The following HBS1L variants were observed in gnomAD, a reference collection of about 807,000 sequenced individuals.
The protein encoded by HBS1L is HBS1-like protein.
A neutral mutation model predicts 88.9 loss-of-function variants in HBS1L; 55 were observed. The ratio of observed to expected loss-of-function variants is 0.62; its 90% CI spans 0.50 to 0.77. HBS1L has a LOEUF of 0.77. Among genes scored for constraint, HBS1L ranks in the 30% least tolerant of loss-of-function variants. HBS1L has a pLI of 0.00. For synonymous variants in HBS1L, 267 were observed against 288.5 expected (o/e 0.93, Z 0.76); for missense variants, 741 against 829.3 (o/e 0.89, Z 1.31).
At chr6:134,965,864 G>A (rs1296582661) in intron 17 of HBS1L, among the ~76,000 whole-genome samples, 1 of 152,132 alleles carries the variant, frequency 6.6e-6, no homozygotes, top group Non-Finnish European at 1.5e-5. Flanking sequence ...TTCATGATAT[G>A]TGTAACTCAC....
chr6:135,018,221 G>T (rs1775977096), intron 4 of HBS1L, among the ~76,000 whole-genome samples: 1 of 151,998 alleles, frequency 6.6e-6, no homozygotes, highest in South Asian at 2.1e-4. Flanking sequence ...CTAGTTACCA[G>T]ATGTACATTC....
intron 15 of HBS1L, among the ~76,000 whole-genome samples, chr6:134,975,182 C>A (rs1232914038): frequency 6.6e-6 from 1 of 151,976 alleles, no homozygotes; most frequent in African/African-American, 2.4e-5. Context: ...AACCAACCAA[C>A]CCACCTAGGA....
intron 4 of HBS1L, among the ~76,000 whole-genome samples, chr6:135,017,768 C>T (rs910046714): frequency 1.3e-5 from 2 of 151,758 alleles, no homozygotes; most frequent in Non-Finnish European, 2.9e-5. Flanking sequence ...TCATGAGTGA[C>T]CTTTTTCCCT....
At chr6:135,034,550 A>AGGAGAATC (rs1474750481) in intron 4 of HBS1L, among the ~76,000 whole-genome samples, 2 of 152,248 alleles carry the variant, frequency 1.3e-5, no homozygotes, top group Non-Finnish European at 2.9e-5. Context: ...GGGCTGACAC[A>AGGAGAATC]GGAGAATCGC....
intron 4 of HBS1L, among the ~76,000 whole-genome samples, chr6:135,009,465 AG>A (rs1775706551): frequency 6.6e-6 from 1 of 152,182 alleles, no homozygotes; most frequent in Admixed American, 6.5e-5. Context: ...AGGCATAAGC[AG>A]GGGTCAGTGG....
At position 134,961,040 on chromosome 6, in the gene HBS1L, A is replaced by T. The variant is rs185326013; in HGVS notation, c.*4239T>A. The stretch of plus-strand genomic sequence containing the variant: ...ATAATCACAACCTTTGTCTTCATTT[A>T]ATTTTCTTGTTTCCTTTCCATCTTT... On this transcript the variant is annotated 3_prime_UTR_variant, in exon 18 of 18. Transcript: ENST00000367837. The T allele has an allele frequency of 6.9e-6, 1 of 144,028 alleles. No individual in the cohort carries two copies. The highest frequency in any genetic ancestry group is 2.6e-5 in the African/African-American group (1 of 39,004). 8.9% of individuals were successfully genotyped at this position (144,028 alleles called of 1,614,324 possible). A position where few individuals can be genotyped will look rare whatever the true frequency, so the allele number is the denominator to read the frequency against.
rs1275689242 is a variant in HBS1L, at chr6:134,961,086, TTTG to T, written c.*4190_*4192del. Reference sequence around the variant, plus strand: ...TCTTTTGCTGTACAGACTTAGTTTCTTTGCTTTTTTTTTTTTTTTTTTTGCATT... The same window carrying T: ...TCTTTTGCTGTACAGACTTAGTTTCTCTTTTTTTTTTTTTTTTTTTGCATT... On this transcript the variant is annotated 3_prime_UTR_variant, in exon 18 of 18. Coordinates refer to ENST00000367837, the MANE Select transcript of HBS1L (RefSeq NM_006620.4). The T allele has an allele frequency of 5.8e-5, 7 of 120,900 alleles. No homozygotes were observed. The highest frequency in any genetic ancestry group is 2.7e-4 in the East Asian group (1 of 3,684). 7.5% of individuals were successfully genotyped at this position (120,900 alleles called of 1,614,324 possible).
intron 10 of HBS1L, 31 bp from the exon 11 acceptor site, chr6:134,986,214 T>C (rs1007134075): frequency 1.8e-6 from 2 of 1,104,306 alleles, no homozygotes; most frequent in Admixed American, 1.9e-5. Context: ...TGAAACTTAA[T>C]ACAACATTTT....
At position 134,962,094 on chromosome 6, in the gene HBS1L, T is replaced by C. The variant is rs1346286361; in HGVS notation, c.*3185A>G. The C allele has an allele frequency of 6.6e-6, 1 of 152,208 alleles. No homozygotes were observed. Among genetic ancestry groups the C allele is most frequent in the Non-Finnish European group, 1.5e-5 (1 of 68,034 alleles). 9.4% of individuals were successfully genotyped at this position (152,208 alleles called of 1,614,324 possible). On this transcript the variant is annotated 3_prime_UTR_variant, in exon 18 of 18. Transcript: ENST00000367837. ...GACGAGGAAAGGATGAATGTTTTTCTACTTACATATTTCTATAAATATTTT... is the reference window on the plus strand; with the variant it reads ...GACGAGGAAAGGATGAATGTTTTTCCACTTACATATTTCTATAAATATTTT...
At chr6:135,007,383 T>C (rs1001408865) in intron 4 of HBS1L, among the ~76,000 whole-genome samples, 2 of 152,138 alleles carry the variant, frequency 1.3e-5, no homozygotes, top group African/African-American at 4.8e-5. Context: ...CATAGAAAAA[T>C]GTACCACACA....
At chr6:135,021,552 G>A (rs575529075) in intron 4 of HBS1L, among the ~76,000 whole-genome samples, 50 of 151,912 alleles carry the variant, frequency 3.3e-4, no homozygotes, top group African/African-American at 1.2e-3. Flanking sequence ...GACAAGTCTC[G>A]GTTAAATAAT....
chr6:135,031,829 GTTTT>G (rs1776392117), intron 4 of HBS1L, among the ~76,000 whole-genome samples: 1 of 149,058 alleles, frequency 6.7e-6, no homozygotes, highest in Admixed American at 6.7e-5. Flanking sequence ...TATCAGTTTT[GTTTT>G]TTCTTTTTTT....
At chr6:135,050,684 G>A (rs1777054294) in intron 1 of HBS1L, 37 bp from the exon 2 acceptor site, 4 of 1,339,130 alleles carry the variant, frequency 3.0e-6, no homozygotes, top group Non-Finnish European at 4.2e-6. Context: ...TCATTTACAA[G>A]TTCTTTTTAT....
chr6:135,036,888 C>A (rs1776568974), intron 4 of HBS1L: 3 of 1,551,594 alleles, frequency 1.9e-6, no homozygotes, highest in Non-Finnish European at 2.6e-6. Context: ...TCTTCCCTAG[C>A]TTTGAACTTA....
chr6:135,031,880 T>C (rs1322532717), intron 4 of HBS1L, among the ~76,000 whole-genome samples: 2 of 151,208 alleles, frequency 1.3e-5, no homozygotes, highest in East Asian at 3.9e-4. Flanking sequence ...CTGCCCAGGC[T>C]GAACCTGAAC....
intron 4 of HBS1L, among the ~76,000 whole-genome samples, chr6:135,027,713 C>T (rs552059544): frequency 1.3e-5 from 2 of 152,182 alleles, no homozygotes; most frequent in Admixed American, 6.5e-5. Context: ...AGTGCTAGTT[C>T]CATGAGTGTT....
Position 134,965,241 on chromosome 6 carries a change from T to G in HBS1L, c.*38A>C. Reference sequence around the variant, plus strand: ...CATTCTTGAAACAGAGGTTAGCTATTTCACTGTATCCAGAAACGTGGTAGA... The same window carrying G: ...CATTCTTGAAACAGAGGTTAGCTATGTCACTGTATCCAGAAACGTGGTAGA... On this transcript the variant is annotated 3_prime_UTR_variant, in exon 18 of 18. Transcript: ENST00000367837. 6.5e-7 allele frequency: 1 copy of G among 1,527,836 alleles called. No individual in the cohort carries two copies. The highest frequency in any genetic ancestry group is 9.1e-7 in the Non-Finnish European group (1 of 1,103,308). 94.6% of individuals were successfully genotyped at this position (1,527,836 alleles called of 1,614,324 possible).
intron 7 of HBS1L, 41 bp downstream of exon 7, chr6:134,996,736 T>G (rs531406320): frequency 1.4e-6 from 2 of 1,438,314 alleles, no homozygotes; most frequent in African/African-American, 1.4e-5. Context: ...TTTAGAAGAC[T>G]GTATGATTTC....
Position 134,987,773 on chromosome 6 carries a change from C to G in HBS1L, c.1102G>C (p.Val368Leu), listed in dbSNP as rs1164231111. 1 of 1,593,424 alleles carries G rather than the reference C, an allele frequency of 6.3e-7. No individual in the cohort carries two copies. Among genetic ancestry groups the G allele is most frequent in the African/African-American group, 1.4e-5 (1 of 73,686 alleles). Residue 368 changes from valine to leucine, a missense_variant, in exon 9 of 18, where the codon GTT (valine) becomes CTT (leucine). This residue lies in a region of HBS1L where 556 missense variants were observed against 598.4 expected (regional missense o/e 0.93). Transcript: ENST00000367837. Reference protein sequence around the residue: ...GAAQADVAVLVVDASRGEFEA... With the variant: ...GAAQADVAVLLVDASRGEFEA... ...AACTCTCCCCTGCTGGCATCTACAA[C>G]TAAAACAGCTACATCCGCCTAAAGA...
Sources: gnomAD v4.1 joint callset for allele counts (sites outside exome capture counted in the v4.1 genomes callset) on GRCh38, gnomAD v4.1.1 for gene constraint, gnomAD v4.1.1 regional missense constraint, MANE v1.5 for transcripts, NCBI Gene and HGNC (gene_info 2026-07-23, HGNC 2026-07-21) for gene names.